Variants in USP39 observed in about 807,000 individuals in gnomAD.
The protein encoded by USP39 is ubiquitin specific peptidase 39, also known as ubiquitin carboxyl-terminal hydrolase 39.
Under a neutral mutation model 66.4 loss-of-function variants are expected in USP39, and 38 were observed. That is an observed-to-expected ratio of 0.57 (90% confidence interval 0.44 to 0.75). The LOEUF (loss-of-function observed/expected upper bound fraction) is 0.75. Ranked by LOEUF, USP39 falls within the 30% of genes least tolerant of loss-of-function variation. The pLI is 0.00. For missense variants in USP39, 608 were observed against 714.4 expected, an observed-to-expected ratio of 0.85 and a Z score of 1.70; for synonymous variants, 303 against 274.6, an observed-to-expected ratio of 1.10 and a Z score of -1.02.
chr2:85,612,709 G>T (rs1160733175), upstream of USP39, among the ~76,000 whole-genome samples: 3 of 151,788 alleles, frequency 2.0e-5, no homozygotes, highest in Admixed American at 6.6e-5. Context: ...CGCTCAGGCT[G>T]GAGTGCATTG....
At position 85,642,694 on chromosome 2, in the gene USP39, C is replaced by T. The variant is rs1008014770; in HGVS notation, c.1427+1576C>T. On this transcript the variant is annotated intron_variant, in intron 10 of 12. Coordinates refer to ENST00000323701, the MANE Select transcript of USP39 (RefSeq NM_006590.4). ...ATTATTTTATGTGCTGTAATTACTT[C>T]GAGTAATACAATTCTGGATCATTTC... Among the ~76,000 whole-genome samples the T allele has an allele frequency of 3.9e-5, 6 of 152,168 alleles. No individual in the cohort carries two copies. The South Asian group carries it at 6.2e-4, about 16-fold the overall frequency.
chr2:85,612,282 A>G, upstream of USP39: 1 of 1,530,622 alleles, frequency 6.5e-7, no homozygotes. Flanking sequence ...TACAGCTGAT[A>G]CCAGAACCTT....
chr2:85,607,455 A>C (rs888490929), upstream of USP39: 1 of 152,160 alleles, frequency 6.6e-6, no homozygotes, highest in African/African-American at 2.4e-5. Context: ...AAGGCACTTA[A>C]CCTTGACCAG....
upstream of USP39, among the ~76,000 whole-genome samples, chr2:85,613,366 G>C (rs545335811): frequency 9.2e-5 from 14 of 152,094 alleles, no homozygotes; most frequent in Non-Finnish European, 1.8e-4. Flanking sequence ...CAAAAAATTA[G>C]CTGGGCTTGA....
rs926445861 is a variant in USP39, at chr2:85,639,458, T to C, written c.1284+67T>C. 9.1e-6 allele frequency: 13 copies of C among 1,430,144 alleles called. No individual in the cohort carries two copies. The African/African-American group carries it at 1.0e-4, about 11-fold the overall frequency. The allele number at this position is 1,430,144 out of a possible 1,614,324, so 88.6% of individuals were successfully genotyped here. ...CTCTCTCGACTTTTTCATTTTCTTT[T>C]TTTTTTTTTTTTCAAGACAGAGTTT... On this transcript the variant is annotated intron_variant, in intron 9 of 12. Coordinates refer to ENST00000323701, the MANE Select transcript of USP39 (RefSeq NM_006590.4).
intron 5 of USP39, among the ~76,000 whole-genome samples, chr2:85,628,263 A>G (rs1675027962): frequency 6.6e-6 from 1 of 152,104 alleles, no homozygotes; most frequent in Admixed American, 6.6e-5. Context: ...CTCCTGCCTC[A>G]GCCTCCCGAG....
At chr2:85,616,517 T>C in intron 1 of USP39, 54 bp downstream of exon 1, 1 of 1,391,854 alleles carries the variant, frequency 7.2e-7, no homozygotes, top group Middle Eastern at 1.9e-4. Context: ...TCGCGTCCTT[T>C]TTTCTTGTCT....
intron 5 of USP39, among the ~76,000 whole-genome samples, chr2:85,627,656 A>G (rs961057254): frequency 6.6e-6 from 1 of 151,118 alleles, no homozygotes; most frequent in Admixed American, 6.6e-5. Context: ...TTAGCTGGGC[A>G]CAGTGGTGCA....
At chr2:85,635,142 G>A (rs997473840) in intron 6 of USP39, among the ~76,000 whole-genome samples, 1 of 152,202 alleles carries the variant, frequency 6.6e-6, no homozygotes, top group Non-Finnish European at 1.5e-5. Flanking sequence ...ATCATTCTAT[G>A]GAGTTGTTAG....
chr2:85,617,926 A>G (rs1674121014), intron 1 of USP39, among the ~76,000 whole-genome samples: 1 of 151,836 alleles, frequency 6.6e-6, no homozygotes, highest in Non-Finnish European at 1.5e-5. Flanking sequence ...AGTTTTTGAC[A>G]AGTGGTAGAT....
At chr2:85,612,371 C>G (rs1276441084), upstream of USP39, 48 of 1,535,762 alleles carry the variant, frequency 3.1e-5, no homozygotes, top group East Asian at 1.1e-3. Context: ...TAATAGGATG[C>G]TGTGCAATCC....
intron 9 of USP39, among the ~76,000 whole-genome samples, chr2:85,640,429 C>T (rs1013614408): frequency 6.6e-6 from 1 of 151,604 alleles, no homozygotes; most frequent in Non-Finnish European, 1.5e-5. Flanking sequence ...GCTGGGACTA[C>T]AGGTACATGC....
rs763300242 is a variant in USP39, at chr2:85,616,261, G to T, written c.66G>T (p.Arg22=). 6 of 1,532,500 alleles carry T rather than the reference G, an allele frequency of 3.9e-6. No individual in the cohort carries two copies. In the South Asian group the frequency reaches 7.5e-5, roughly 19 times the overall value. The allele number at this position is 1,532,500 out of a possible 1,614,324, so 94.9% of individuals were successfully genotyped here. A position where few individuals can be genotyped will look rare whatever the true frequency, so the allele number is the denominator to read the frequency against. The change falls in exon 1 of 13, where the codon CGG becomes CGT. Residue 22 remains arginine (R), a synonymous_variant. Coordinates refer to ENST00000323701, the MANE Select transcript of USP39 (RefSeq NM_006590.4). ...GCGGGAAGCGAGAGTCTGAGTCGCG[G>T]GGCAGCTCCGGTCGCGTCAAGCGGG... ...STRGKRESES[R]GSSGRVKRER... is the part of the protein sequence containing the mutation.
intron 6 of USP39, among the ~76,000 whole-genome samples, chr2:85,631,162 G>A (rs748474561): frequency 7.2e-5 from 11 of 151,848 alleles, no homozygotes; most frequent in Admixed American, 4.6e-4. Context: ...CTATAGGCAC[G>A]CACCACCACG....
In USP39 at chr2:85,625,425, T is replaced by G. The variant is rs535443778; in HGVS notation, c.571-114T>G. 6 of 1,367,152 alleles carry G rather than the reference T, an allele frequency of 4.4e-6. No homozygotes were observed. In the African/African-American group the frequency reaches 8.8e-5, roughly 20 times the overall value. The allele number at this position is 1,367,152 out of a possible 1,614,324, so 84.7% of individuals were successfully genotyped here. On this transcript the variant is annotated intron_variant, in intron 4 of 12. Coordinates refer to ENST00000323701, the MANE Select transcript of USP39 (RefSeq NM_006590.4). ...CCTACTGGTTCGGACTATTTTTCTG[T>G]GTGTGGTGGGATGTTCATGGCCAAG... is the stretch of plus-strand genomic sequence containing the variant.
upstream of USP39, chr2:85,616,046 C>G (rs1448998915): frequency 4.6e-6 from 6 of 1,292,492 alleles, no homozygotes; most frequent in African/African-American, 1.5e-5. Flanking sequence ...AGGAACAGCA[C>G]CGCCCACAAA....
At chr2:85,621,884 A>G in intron 3 of USP39, among the ~76,000 whole-genome samples, 1 of 118,800 alleles carries the variant, frequency 8.4e-6, no homozygotes, top group Non-Finnish European at 1.7e-5. Flanking sequence ...AGTGTTGCCC[A>G]GGTTGGCTCA....
chr2:85,621,726 AG>A, intron 3 of USP39, 147 bp downstream of exon 3: 1 of 677,348 alleles, frequency 1.5e-6, no homozygotes, highest in Admixed American at 2.9e-5. Context: ...AACCAATAAG[AG>A]GTTCTCTGAC....
rs1674631322 is a variant in USP39 at position 85,623,642 on chromosome 2, A to G, written c.434-4A>G. 2.5e-6 allele frequency: 4 copies of G among 1,611,132 alleles called. No individual in the cohort carries two copies. Among genetic ancestry groups the G allele is most frequent in the Non-Finnish European group, 2.5e-6 (3 of 1,178,868 alleles). ...CTATTACAGCTTTTCACCCTTCCCT[A>G]CAGGCCGGGGTTTGAAGTCTCACGC... On this transcript the variant is annotated splice_region_variant and splice_polypyrimidine_tract_variant and intron_variant, in intron 3 of 12. Coordinates refer to ENST00000323701, the MANE Select transcript of USP39 (RefSeq NM_006590.4).
Sources: gnomAD v4.1 joint callset for allele counts (sites outside exome capture counted in the v4.1 genomes callset) on GRCh38, gnomAD v4.1.1 for gene constraint, MANE v1.5 for transcripts, NCBI Gene and HGNC (gene_info 2026-07-23, HGNC 2026-07-21) for gene names.